OR2T27: variants seen among roughly 807,000 people sequenced by gnomAD.
The protein encoded by OR2T27 is olfactory receptor 2T27.
For synonymous variants in OR2T27, 51 were observed against 152.9 expected (o/e 0.33, Z 4.92); for missense variants, 152 against 397.2 (o/e 0.38, Z 5.25).
rs1660972528 is a variant in OR2T27, at chr1:248,650,167, T to TG, written c.717dup (p.Thr240HisfsTer30). The TG allele has an allele frequency of 6.4e-7, 1 of 1,566,522 alleles. No homozygotes were observed. Among genetic ancestry groups the TG allele is most frequent in the African/African-American group, 1.4e-5 (1 of 71,710 alleles). Reference sequence around the variant, plus strand: ...ACAACCACCATGTGTGAGGAGCAGGTGGCCACAGCCTTTCCCCTCCCCTCT... The same window carrying TG: ...ACAACCACCATGTGTGAGGAGCAGGTGGGCCACAGCCTTTCCCCTCCCCTCT... On this transcript the variant is annotated frameshift_variant, in exon 2 of 2. Transcript: ENST00000460972. LOFTEE classifies it low-confidence loss of function (END_TRUNC).
intron 1 of OR2T27, among the ~76,000 whole-genome samples, chr1:248,652,787 G>C: frequency 6.8e-6 from 1 of 146,086 alleles, no homozygotes; most frequent in Non-Finnish European, 1.5e-5. Flanking sequence ...GCATTTTTCA[G>C]TTCTCATTCT....
At chr1:248,652,388 G>T (rs1661040286) in intron 1 of OR2T27, among the ~76,000 whole-genome samples, 1 of 149,476 alleles carries the variant, frequency 6.7e-6, no homozygotes, top group African/African-American at 2.4e-5. Context: ...GTTCTATGCT[G>T]TTTTCCAACA....
intron 1 of OR2T27, among the ~76,000 whole-genome samples, chr1:248,652,177 GGT>G (rs10540329): frequency 0.7 from 106,461 of 151,142 alleles, 38,116 homozygotes; most frequent in Non-Finnish European, 0.83. Flanking sequence ...AAAAAATTTA[GGT>G]GTGTACCAAA....
chr1:248,653,183 A>G (rs1388590065), intron 1 of OR2T27, among the ~76,000 whole-genome samples: 1 of 143,600 alleles, frequency 7.0e-6, no homozygotes, highest in African/African-American at 2.5e-5. Flanking sequence ...TGCTAATGAG[A>G]CCCTGGGGAT....
At chr1:248,653,454 T>C (rs1462276104) in intron 1 of OR2T27, among the ~76,000 whole-genome samples, 3 of 139,714 alleles carry the variant, frequency 2.1e-5, no homozygotes, top group Admixed American at 7.3e-5. Context: ...TTAGCACATC[T>C]TTCCCAGTCT....
chr1:248,655,281 G>A lies in OR2T27; in HGVS notation c.-5+163C>T, dbSNP rs529363040. ...TAAGAAACGAGATTGAATTATCTAA[G>A]ATTTATATATTAGTACCATCCACAA... On this transcript the variant is annotated intron_variant, in intron 1 of 1. Coordinates refer to ENST00000460972, the MANE Select transcript of OR2T27 (RefSeq NM_001001824.2). 1.3e-3 allele frequency among the ~76,000 whole-genome samples: 172 copies of A among 129,808 alleles called. 9 individuals are homozygous for A. The highest frequency in any genetic ancestry group is 4.0e-3 in the African/African-American group (156 of 38,868). 85.2% of individuals were successfully genotyped at this position (129,808 alleles called of 152,430 possible).
At position 248,650,140 on chromosome 1, in the gene OR2T27, T is replaced by G; in HGVS notation, c.745A>C (p.Ser249Arg). Residue 249 changes from serine (S) to arginine (R), a missense_variant, in exon 2 of 2, where the codon AGC becomes CGC. By Grantham distance (110) the Ser-to-Arg change is moderately radical. Transcript: ENST00000460972. ...ATCSSHMVVV[S>R]LFYGAAMYTY... is the part of the protein sequence containing the mutation. The stretch of plus-strand genomic sequence containing the variant: ...TACATGGCAGCCCCATAGAAGAGGC[T>G]GACAACCACCATGTGTGAGGAGCAG... 6.4e-7 allele frequency: 1 copy of G among 1,567,784 alleles called. No homozygotes were observed. Among genetic ancestry groups the G allele is most frequent in the Non-Finnish European group, 8.7e-7 (1 of 1,149,128 alleles).
intron 1 of OR2T27, among the ~76,000 whole-genome samples, chr1:248,653,541 TG>T (rs2103117015): frequency 4.8e-5 from 1 of 20,756 alleles, no homozygotes. Flanking sequence ...TTGCTTATAA[TG>T]CAAGTATTGT....
rs1442752287 is a variant in OR2T27, at chr1:248,651,705, G to A, written c.-4-817C>T. The A allele has an allele frequency of 8.8e-5, 6 of 68,178 alleles. 1 individual carries two copies. The highest frequency in any genetic ancestry group is 2.4e-4 in the Non-Finnish European group (5 of 20,746). The allele number at this position is 68,178 out of a possible 1,614,324, so 4.2% of individuals were successfully genotyped here. On this transcript the variant is annotated intron_variant, in intron 1 of 1. Transcript: ENST00000460972. ...TCTCTCATACTTGAAGTTAGATTCTGCATATGTATCCATATCAGTTAAATA... is the reference window on the plus strand; with the variant it reads ...TCTCTCATACTTGAAGTTAGATTCTACATATGTATCCATATCAGTTAAATA...
At position 248,652,539 on chromosome 1, in the gene OR2T27, GTGT is replaced by G. The variant is rs1401996213; in HGVS notation, c.-4-1654_-4-1652del. ...GCCTAGAATTGAGGCACATGAACGT[GTGT>G]TGTGTGACCACAGGTGCACTTTCAG... On this transcript the variant is annotated intron_variant, in intron 1 of 1. Transcript: ENST00000460972. 6.3e-4 allele frequency among the ~76,000 whole-genome samples: 8 copies of G among 12,704 alleles called. No individual in the cohort carries two copies. The Non-Finnish European group carries it at 0.04, about 64-fold the overall frequency. 8.3% of individuals were successfully genotyped at this position (12,704 alleles called of 152,430 possible). A position where few individuals can be genotyped will look rare whatever the true frequency, so the allele number is the denominator to read the frequency against.
rs771355083 is a variant in OR2T27 at position 248,650,101 on chromosome 1, G to T, written c.784C>A (p.Pro262Thr). 1.3e-6 allele frequency: 2 copies of T among 1,571,568 alleles called. No individual in the cohort carries two copies. Among genetic ancestry groups the T allele is most frequent in the Non-Finnish European group, 1.7e-6 (2 of 1,152,178 alleles). The change falls in exon 2 of 2, where the codon CCT becomes ACT. Residue 262 changes from proline to threonine, a missense_variant. By Grantham distance (38) the Pro-to-Thr change is conservative. Transcript: ENST00000460972. The part of the protein sequence containing the change: ...YGAAMYTYVL[P>T]HSYHTPEQDK... ...TGCTCAGGGGTGTGGTAAGAATGAG[G>T]CAGCACGTATGTGTACATGGCAGCC...
intron 1 of OR2T27, among the ~76,000 whole-genome samples, chr1:248,652,154 T>G (rs1480456547): frequency 7.3e-6 from 1 of 137,800 alleles, no homozygotes; most frequent in Non-Finnish European, 1.6e-5. Flanking sequence ...ACACCACAAA[T>G]TAGAATTGAG....
intron 1 of OR2T27, 100 bp downstream of exon 1, chr1:248,655,337 CTTCAACA>C (rs964127855): frequency 1.5e-5 from 2 of 137,344 alleles, no homozygotes; most frequent in African/African-American, 5.1e-5. Context: ...GATGTATCAA[CTTCAACA>C]TTCTCCAGTA....
chr1:248,651,835 G>C (rs1217434474), intron 1 of OR2T27, among the ~76,000 whole-genome samples: 1 of 57,232 alleles, frequency 1.7e-5, no homozygotes, highest in Non-Finnish European at 6.6e-5. Context: ...TGAAGCTGTG[G>C]AGCCCCTGAA....
At chr1:248,653,776 T>C (rs1661071372) in intron 1 of OR2T27, among the ~76,000 whole-genome samples, 1 of 12,424 alleles carries the variant, frequency 8.0e-5, no homozygotes, top group Admixed American at 3.4e-3. Context: ...ACCTTTTCTA[T>C]ATATAGGTGA....
At position 248,650,073 on chromosome 1, in the gene OR2T27, T is replaced by C; in HGVS notation, c.812A>G (p.Asp271Gly). 6 of 1,572,626 alleles carry C rather than the reference T, an allele frequency of 3.8e-6. 1 individual carries two copies. The highest frequency in any genetic ancestry group is 5.2e-6 in the Non-Finnish European group (6 of 1,153,512). Residue 271 changes from aspartate to glycine, a missense_variant, in exon 2 of 2, where the codon GAC becomes GGC. Asp to Gly is a moderately conservative substitution (Grantham distance 94, BLOSUM62 -1). Transcript: ENST00000460972. ...LPHSYHTPEQ[D>G]KAVSAFYTIL... ...GGTGTAGAAGGCAGATACAGCTTTG[T>C]CCTGCTCAGGGGTGTGGTAAGAATG...
rs748736333 is a variant in OR2T27, at chr1:248,650,037, G to A, written c.848C>T (p.Pro283Leu). 1.3e-6 allele frequency: 2 copies of A among 1,576,968 alleles called. No individual in the cohort carries two copies. Among genetic ancestry groups the A allele is most frequent in the Non-Finnish European group, 1.7e-6 (2 of 1,157,722 alleles). Residue 283 changes from proline to leucine, a missense_variant, in exon 2 of 2, where the codon CCC (proline) becomes CTC (leucine). Transcript: ENST00000460972. ...GCTGTAAATGAGTGGATTGAGCATG[G>A]GAGTAAGGATGGTGTAGAAGGCAGA... The part of the protein sequence containing the change: ...AVSAFYTILT[P>L]MLNPLIYSLR...
At chr1:248,652,077 TAG>T (rs1443018115) in intron 1 of OR2T27, among the ~76,000 whole-genome samples, 8 of 152,256 alleles carry the variant, frequency 5.3e-5, no homozygotes, top group Non-Finnish European at 1.0e-4. Context: ...AGCACTGGTC[TAG>T]AGTTATCCCT....
rs77533272 is a variant in OR2T27 at position 248,653,802 on chromosome 1, C to A, written c.-5+1642G>T. On this transcript the variant is annotated intron_variant, in intron 1 of 1. Transcript: ENST00000460972. ...ATATAGGTGATTTGTCGAGATTAGTCTATAGATTTTTATTTTTTATTAATA... is the reference window on the plus strand; with the variant it reads ...ATATAGGTGATTTGTCGAGATTAGTATATAGATTTTTATTTTTTATTAATA... Among the ~76,000 whole-genome samples the A allele has an allele frequency of 5.4e-4, 15 of 27,958 alleles. 1 individual carries two copies. In the Non-Finnish European group the frequency reaches 0.024, roughly 44 times the overall value. The allele number at this position is 27,958 out of a possible 152,430, so 18.3% of individuals were successfully genotyped here. A position where few individuals can be genotyped will look rare whatever the true frequency, so the allele number is the denominator to read the frequency against.
Sources: gnomAD v4.1 joint callset for allele counts (sites outside exome capture counted in the v4.1 genomes callset) on GRCh38, gnomAD v4.1.1 for gene constraint, MANE v1.5 for transcripts, NCBI Gene and HGNC (gene_info 2026-07-23, HGNC 2026-07-21) for gene names.